Variants in TENM2 observed in about 807,000 individuals in gnomAD.
TENM2 encodes the protein teneurin transmembrane protein 2, also known as teneurin-2.
TENM2 carries 52 observed loss-of-function variants against 245.2 expected under a neutral mutation model. That is an observed-to-expected ratio of 0.21 (90% CI 0.17 to 0.27). The LOEUF (loss-of-function observed/expected upper bound fraction) is 0.27, where lower values mean the gene tolerates loss of function less well. Among genes scored for constraint, TENM2 ranks in the 10% least tolerant of loss-of-function variants. The pLI is 1.00. For missense variants in TENM2, 3,046 were observed against 3,666.8 expected, an observed-to-expected ratio of 0.83 and a Z score of 4.37; for synonymous variants, 1,363 against 1,438.9, an observed-to-expected ratio of 0.95 and a Z score of 1.19.
intron 2 of TENM2, among the ~76,000 whole-genome samples, chr5:167,565,756 C>T (rs1272292861): frequency 2.0e-5 from 3 of 152,102 alleles, no homozygotes; most frequent in Non-Finnish European, 4.4e-5. Flanking sequence ...GATTGAAATT[C>T]AATCACTTTA....
chr5:168,014,587 G>A (rs1050578679), intron 5 of TENM2, among the ~76,000 whole-genome samples: 4 of 152,228 alleles, frequency 2.6e-5, no homozygotes, highest in South Asian at 2.1e-4. Context: ...CCTTAGAAAC[G>A]CAAATAAAAC....
intron 2 of TENM2, among the ~76,000 whole-genome samples, chr5:167,838,908 C>A (rs1769239801): frequency 6.6e-6 from 1 of 152,166 alleles, no homozygotes; most frequent in Non-Finnish European, 1.5e-5. Flanking sequence ...TTATAAGCAC[C>A]TGATGGCTGA....
intron 2 of TENM2, among the ~76,000 whole-genome samples, chr5:167,841,961 CTCTA>C (rs1769558321): frequency 6.6e-6 from 1 of 151,700 alleles, no homozygotes; most frequent in Admixed American, 6.6e-5. Flanking sequence ...TTTTGTCTCT[CTCTA>C]TATATACACA....
chr5:167,812,870 C>G (rs1392081761), intron 2 of TENM2, among the ~76,000 whole-genome samples: 1 of 152,154 alleles, frequency 6.6e-6, no homozygotes, highest in Admixed American at 6.6e-5. Flanking sequence ...TTGTGAACCA[C>G]AGTCAGGGAC....
chr5:167,619,142 C>T (rs1160838772), intron 2 of TENM2, among the ~76,000 whole-genome samples: 1 of 151,932 alleles, frequency 6.6e-6, no homozygotes, highest in Non-Finnish European at 1.5e-5. Flanking sequence ...ATTTCTTTTG[C>T]TTGGTTTTTG....
intron 2 of TENM2, among the ~76,000 whole-genome samples, chr5:167,864,215 G>A (rs533890200): frequency 1.8e-4 from 28 of 152,270 alleles, no homozygotes; most frequent in African/African-American, 6.7e-4. Flanking sequence ...CAGATTTACA[G>A]TTGAGAACTG....
chr5:167,099,665 A>G, the TENM2 span, among the ~76,000 whole-genome samples: 1 of 152,220 alleles, frequency 6.6e-6, no homozygotes, highest in Non-Finnish European at 1.5e-5. Context: ...ATTGCACTCT[A>G]GCCTGGGCAA....
chr5:167,173,429 G>A, the TENM2 span, among the ~76,000 whole-genome samples: 2 of 152,086 alleles, frequency 1.3e-5, no homozygotes, highest in Non-Finnish European at 2.9e-5. Flanking sequence ...TTCCCAGATG[G>A]GCTAGGCTAC....
intron 2 of TENM2, among the ~76,000 whole-genome samples, chr5:167,814,364 C>T (rs1464844601): frequency 6.8e-6 from 1 of 146,570 alleles, no homozygotes; most frequent in African/African-American, 2.5e-5. Flanking sequence ...ATGAAAACCT[C>T]ATTTTTAGAA....
chr5:167,992,891 T>A (rs1409223300), intron 4 of TENM2, 53 bp from the exon 7 acceptor site: 36 of 1,402,980 alleles, frequency 2.6e-5, no homozygotes, highest in Admixed American at 5.1e-5. Context: ...AATAGCTAAA[T>A]GTTGCTCCTT....
At chr5:167,266,508 C>T in the TENM2 span, among the ~76,000 whole-genome samples, 7 of 152,168 alleles carry the variant, frequency 4.6e-5, no homozygotes, top group South Asian at 2.1e-4. Flanking sequence ...TAGGAGAACA[C>T]ATGGAAGGAA....
intron 2 of TENM2, among the ~76,000 whole-genome samples, chr5:167,874,700 G>C: frequency 6.6e-6 from 1 of 152,202 alleles, no homozygotes; most frequent in East Asian, 1.9e-4. Context: ...GCAGGCAAAA[G>C]TATAGGTGGT....
At chr5:167,559,657 G>A (rs1773464982) in intron 2 of TENM2, among the ~76,000 whole-genome samples, 2 of 152,086 alleles carry the variant, frequency 1.3e-5, no homozygotes, top group Non-Finnish European at 2.9e-5. Flanking sequence ...CAGCTCCACA[G>A]CCATTCATAT....
chr5:167,191,180 A>G, the TENM2 span, among the ~76,000 whole-genome samples: 2 of 152,100 alleles, frequency 1.3e-5, no homozygotes, highest in Non-Finnish European at 2.9e-5. Flanking sequence ...GAATATATAT[A>G]TACACCCACA....
At chr5:167,220,337 G>T in the TENM2 span, among the ~76,000 whole-genome samples, 1 of 152,194 alleles carries the variant, frequency 6.6e-6, no homozygotes, top group East Asian at 1.9e-4. Context: ...ATAGCCAATA[G>T]TGTTAGCCTC....
intron 2 of TENM2, among the ~76,000 whole-genome samples, chr5:167,583,350 T>C (rs2127687247): frequency 6.6e-6 from 1 of 152,252 alleles, no homozygotes; most frequent in South Asian, 2.1e-4. Context: ...TAGTTCAGTT[T>C]CCTCCAGGAT....
chr5:168,212,576 A>C (rs895661349), intron 20 of TENM2, among the ~76,000 whole-genome samples: 3 of 152,222 alleles, frequency 2.0e-5, no homozygotes, highest in Non-Finnish European at 2.9e-5. Context: ...CTCCTTCATG[A>C]TATTAGGTCA....
intron 2 of TENM2, among the ~76,000 whole-genome samples, chr5:167,407,575 T>C (rs1032422076): frequency 6.6e-6 from 1 of 152,124 alleles, no homozygotes; most frequent in African/African-American, 2.4e-5. Flanking sequence ...CCCAGCACTT[T>C]GGGAGGCTGA....
the TENM2 span, among the ~76,000 whole-genome samples, chr5:167,146,619 G>T: frequency 7.6e-4 from 115 of 152,276 alleles, no homozygotes; most frequent in Middle Eastern, 6.8e-3. Flanking sequence ...CAACTCAGAT[G>T]ATGGAGAAAT....
Sources: allele counts gnomAD v4.1 joint callset (sites outside exome capture counted in the v4.1 genomes callset), GRCh38; gene constraint gnomAD v4.1.1; transcripts MANE v1.5; gene names NCBI Gene and HGNC (gene_info 2026-07-23, HGNC 2026-07-21).